TLK2: variants seen among roughly 807,000 people sequenced by gnomAD.
TLK2 encodes tousled like kinase 2, also known as serine/threonine-protein kinase tousled-like 2.
Under a neutral mutation model 117.3 loss-of-function variants are expected in TLK2, and 6 were observed. That is an observed-to-expected ratio of 0.05 (90% confidence interval 0.03 to 0.10). TLK2 has a LOEUF of 0.10. Ranked by LOEUF, TLK2 falls within the 10% of genes least tolerant of loss-of-function variation. The pLI, the probability that TLK2 is intolerant of heterozygous loss-of-function variation, is 1.00. For synonymous variants in TLK2, 257 were observed against 316.7 expected (o/e 0.81, Z 2.00); for missense variants, 299 against 901.2 (o/e 0.33, Z 8.56).
At chr17:62,544,236 G>A (rs2077742573) in intron 7 of TLK2, among the ~76,000 whole-genome samples, 1 of 152,100 alleles carries the variant, frequency 6.6e-6, no homozygotes, top group Non-Finnish European at 1.5e-5. Flanking sequence ...CCTGAGACTG[G>A]GTAATTTATG....
chr17:62,580,232 T>G (rs777235487), intron 15 of TLK2, 40 bp downstream of exon 15: 14 of 1,478,022 alleles, frequency 9.5e-6, no homozygotes, highest in Admixed American at 3.6e-5. Flanking sequence ...GGGGGTTAAA[T>G]TATCGGCTCC....
chr17:62,606,804 T>G (rs1042938935), intron 20 of TLK2, among the ~76,000 whole-genome samples: 1 of 152,234 alleles, frequency 6.6e-6, no homozygotes, highest in Non-Finnish European at 1.5e-5. Flanking sequence ...TGAACATGCC[T>G]TATAAATGTA....
chr17:62,487,307 G>T (rs866931148), intron 2 of TLK2, among the ~76,000 whole-genome samples: 5 of 138,292 alleles, frequency 3.6e-5, no homozygotes, highest in Non-Finnish European at 7.9e-5. Flanking sequence ...AAAAAAAAAA[G>T]AAAGAAATAT....
intron 2 of TLK2, among the ~76,000 whole-genome samples, chr17:62,487,156 G>A (rs939853966): frequency 6.6e-5 from 10 of 152,136 alleles, no homozygotes; most frequent in African/African-American, 2.2e-4. Context: ...GCCGGGCGTG[G>A]TGGCATGTGC....
intron 17 of TLK2, 34 bp downstream of exon 17, chr17:62,596,708 A>G (rs770247847): frequency 1.3e-6 from 2 of 1,580,548 alleles, no homozygotes; most frequent in South Asian, 2.2e-5. Context: ...TAACAGTTAT[A>G]TTATTTTCTT....
chr17:62,530,487 A>G (rs187711823), intron 6 of TLK2, among the ~76,000 whole-genome samples: 101 of 152,188 alleles, frequency 6.6e-4, no homozygotes, highest in African/African-American at 2.4e-3. Flanking sequence ...GAAAAGAAAA[A>G]ATAAGAATAA....
At chr17:62,516,375 G>A (rs1248198216) in intron 2 of TLK2, 33 of 1,567,324 alleles carry the variant, frequency 2.1e-5, no homozygotes, top group Non-Finnish European at 2.8e-5. Flanking sequence ...ACTAGAATTC[G>A]GTTGCTGACC....
chr17:62,603,719 C>T (rs1202998448), intron 19 of TLK2, among the ~76,000 whole-genome samples: 1 of 152,036 alleles, frequency 6.6e-6, no homozygotes, highest in African/African-American at 2.4e-5. Flanking sequence ...ATGGTGCTTA[C>T]TTAGGGGGTC....
At chr17:62,582,847 A>G (rs1418532348) in intron 15 of TLK2, among the ~76,000 whole-genome samples, 1 of 152,034 alleles carries the variant, frequency 6.6e-6, no homozygotes, top group Non-Finnish European at 1.5e-5. Context: ...GAATTTGACT[A>G]TGTTTAGATT....
rs774648565 is a variant in TLK2 at position 62,612,601 on chromosome 17, C to A, written c.*36C>A. 5.8e-6 allele frequency: 9 copies of A among 1,565,142 alleles called. No individual in the cohort carries two copies. In the South Asian group the frequency reaches 8.1e-5, roughly 14 times the overall value. Reference sequence around the variant, plus strand: ...AAGGCCACAAACTGTTCAACACACACAAAGTGGACAAATGGCGTTCAGCAG... The same window carrying A: ...AAGGCCACAAACTGTTCAACACACAAAAAGTGGACAAATGGCGTTCAGCAG... On this transcript the variant is annotated 3_prime_UTR_variant, in exon 22 of 22. Transcript: ENST00000346027.
chr17:62,483,120 C>T (rs1339174513), intron 2 of TLK2, among the ~76,000 whole-genome samples: 1 of 152,020 alleles, frequency 6.6e-6, no homozygotes. Context: ...TCTAAATGAC[C>T]TCTGATGTGT....
chr17:62,559,503 G>A (rs2079102018), intron 9 of TLK2, among the ~76,000 whole-genome samples: 1 of 151,364 alleles, frequency 6.6e-6, no homozygotes, highest in Non-Finnish European at 1.5e-5. Context: ...TCAGCCTCCC[G>A]AGTAGCTGGA....
At chr17:62,520,344 G>A (rs1285807065) in intron 2 of TLK2, among the ~76,000 whole-genome samples, 3 of 152,148 alleles carry the variant, frequency 2.0e-5, no homozygotes, top group African/African-American at 7.2e-5. Context: ...GTCAGGGCAG[G>A]ATGAGAAACA....
chr17:62,574,383 C>G, intron 12 of TLK2: 2 of 1,514,292 alleles, frequency 1.3e-6, no homozygotes, highest in Non-Finnish European at 8.9e-7. Context: ...GATACAGCCC[C>G]AGCCTTAGGA....
intron 6 of TLK2, among the ~76,000 whole-genome samples, chr17:62,526,274 C>T (rs757235565): frequency 1.3e-5 from 2 of 152,222 alleles, no homozygotes; most frequent in Non-Finnish European, 2.9e-5. Context: ...GAGCACTGGC[C>T]TCATGTATAC....
At chr17:62,536,025 A>G (rs1225863756) in intron 6 of TLK2, 145 bp from the exon 7 acceptor site, 3 of 879,400 alleles carry the variant, frequency 3.4e-6, no homozygotes, top group South Asian at 1.9e-5. Flanking sequence ...TAATGTTGGT[A>G]TGCTCTCCAT....
At chr17:62,609,257 T>C (rs2083550463) in intron 21 of TLK2, among the ~76,000 whole-genome samples, 1 of 152,166 alleles carries the variant, frequency 6.6e-6, no homozygotes, top group Non-Finnish European at 1.5e-5. Flanking sequence ...TATTTTTTTG[T>C]ATTTTTTGTA....
rs777025094 is a variant in TLK2 at position 62,549,419 on chromosome 17, A to AAAAAAAAAAAAAAAAAT, written c.532-2867_532-2866insTAAAAAAAAAAAAAAAA. On this transcript the variant is annotated intron_variant, in intron 7 of 21. Coordinates refer to ENST00000346027, the MANE Select transcript of TLK2 (RefSeq NM_006852.6). ...ATCTCAAAAAAAAAAAAAAAAAAAA[A>AAAAAAAAAAAAAAAAAT]AAAAAAAAAAAAAAAAAATAGAAAC... Among the ~76,000 whole-genome samples the AAAAAAAAAAAAAAAAAT allele has an allele frequency of 9.0e-4, 7 of 7,740 alleles. 1 individual carries two copies. The highest frequency in any genetic ancestry group is 3.3e-3 in the Admixed American group (1 of 306). 5.1% of individuals were successfully genotyped at this position (7,740 alleles called of 152,430 possible). A position where few individuals can be genotyped will look rare whatever the true frequency, so the allele number is the denominator to read the frequency against.
chr17:62,544,849 A>G (rs1486006311), intron 7 of TLK2, among the ~76,000 whole-genome samples: 3 of 152,308 alleles, frequency 2.0e-5, no homozygotes, highest in Middle Eastern at 3.4e-3. Flanking sequence ...CAAAATATCT[A>G]TTTAGGACCC....
Sources: gnomAD v4.1 joint callset for allele counts (sites outside exome capture counted in the v4.1 genomes callset) on GRCh38, gnomAD v4.1.1 for gene constraint, MANE v1.5 for transcripts, NCBI Gene and HGNC (gene_info 2026-07-23, HGNC 2026-07-21) for gene names.